Variants in DRICH1 observed in about 807,000 individuals in gnomAD.
DRICH1 encodes aspartate rich 1, also known as aspartate-rich protein 1.
DRICH1 carries 38 observed loss-of-function variants against 39.5 expected under a neutral mutation model. That is an observed-to-expected ratio of 0.96 (90% confidence interval 0.74 to 1.26). The LOEUF (loss-of-function observed/expected upper bound fraction) is 1.26, where lower values mean the gene tolerates loss of function less well. Ranked by LOEUF, DRICH1 falls within the 50% of genes most tolerant of loss-of-function variation. The pLI, the probability that DRICH1 is intolerant of heterozygous loss-of-function variation, is 0.00. For synonymous variants in DRICH1, 84 were observed against 99.5 expected (o/e 0.84, Z 0.93); for missense variants, 279 against 270.4 (o/e 1.03, Z -0.22).
At chr22:23,624,033 A>G (rs1037899571) in intron 3 of DRICH1, 1 of 985,228 alleles carries the variant, frequency 1.0e-6, no homozygotes, top group African/African-American at 1.7e-5. Context: ...TTTCCAAGAC[A>G]CTGGACCTTT....
At chr22:23,613,216 A>G in intron 11 of DRICH1, 73 bp downstream of exon 11, 1 of 1,139,482 alleles carries the variant, frequency 8.8e-7, no homozygotes, top group Non-Finnish European at 1.3e-6. Flanking sequence ...CCCTCCTCAC[A>G]AGCAACAGGG....
chr22:23,603,907 CA>C (rs1308662043), downstream of DRICH1, among the ~76,000 whole-genome samples: 4 of 152,172 alleles, frequency 2.6e-5, no homozygotes, highest in Non-Finnish European at 5.9e-5. Flanking sequence ...GGACACTTTG[CA>C]GACCACCACT....
At chr22:23,598,487 G>A in the DRICH1 span, among the ~76,000 whole-genome samples, 1 of 152,322 alleles carries the variant, frequency 6.6e-6, no homozygotes, top group East Asian at 1.9e-4. Flanking sequence ...AACTGCCCGA[G>A]GTCAAGGGCT....
the DRICH1 span, among the ~76,000 whole-genome samples, chr22:23,585,079 TTC>T: frequency 4.9e-4 from 75 of 152,314 alleles, no homozygotes; most frequent in African/African-American, 1.7e-3. Context: ...GCAGTTTCTT[TTC>T]TCTCTTTCTT....
the DRICH1 span, chr22:23,583,148 T>C: frequency 0.41 from 63,069 of 152,078 alleles, 14,496 homozygotes; most frequent in African/African-American, 0.61. Context: ...TGCGTAGATA[T>C]GCTCTGGATA....
At chr22:23,595,169 T>A in the DRICH1 span, among the ~76,000 whole-genome samples, 21,792 of 138,394 alleles carry the variant, frequency 0.16, 1,501 homozygotes, top group African/African-American at 0.23. Flanking sequence ...GACCTCCTCC[T>A]ATGAGTAGAT....
At chr22:23,609,203 T>C (rs540512073) in intron 11 of DRICH1, among the ~76,000 whole-genome samples, 21 of 152,272 alleles carry the variant, frequency 1.4e-4, no homozygotes, top group African/African-American at 4.8e-4. Context: ...GCCCACACTA[T>C]GGAGGGAGGC....
intron 1 of DRICH1, among the ~76,000 whole-genome samples, chr22:23,629,164 G>A (rs1443231709): frequency 2.0e-5 from 3 of 151,878 alleles, no homozygotes; most frequent in Admixed American, 6.6e-5. Context: ...TCAACCTCCC[G>A]AGTAGCTGGG....
intron 5 of DRICH1, 52 bp from the exon 6 acceptor site, chr22:23,619,445 C>T (rs763235556): frequency 1.3e-6 from 1 of 775,088 alleles, no homozygotes; most frequent in Non-Finnish European, 2.4e-6. Context: ...CTCTATGTGC[C>T]TCAAATAACC....
chr22:23,586,698 C>T, the DRICH1 span, among the ~76,000 whole-genome samples: 355 of 152,234 alleles, frequency 2.3e-3, 2 homozygotes, highest in Non-Finnish European at 3.5e-3. Flanking sequence ...CACATACCAC[C>T]ATGCCCGGCT....
intron 6 of DRICH1, among the ~76,000 whole-genome samples, chr22:23,618,764 G>T (rs947523140): frequency 1.3e-5 from 2 of 152,090 alleles, no homozygotes; most frequent in Non-Finnish European, 2.9e-5. Flanking sequence ...CAATAGAAAT[G>T]AACAAATTCA....
intron 11 of DRICH1, among the ~76,000 whole-genome samples, chr22:23,612,955 G>A (rs1056305246): frequency 6.6e-6 from 1 of 152,154 alleles, no homozygotes; most frequent in African/African-American, 2.4e-5. Context: ...CATCACAGAT[G>A]ACACCCAGTG....
the DRICH1 span, among the ~76,000 whole-genome samples, chr22:23,582,565 T>TTATTATTATTATTA: frequency 1.4e-5 from 2 of 146,608 alleles, no homozygotes; most frequent in African/African-American, 5.0e-5. Context: ...CTTATTATTA[T>TTATTATTATTATTA]TATTATTATT....
At chr22:23,592,010 C>T in the DRICH1 span, among the ~76,000 whole-genome samples, 1 of 152,218 alleles carries the variant, frequency 6.6e-6, no homozygotes, top group African/African-American at 2.4e-5. Context: ...CCCAAACCTC[C>T]AGCCCAGGCT....
chr22:23,585,433 G>A, the DRICH1 span, among the ~76,000 whole-genome samples: 4 of 152,166 alleles, frequency 2.6e-5, no homozygotes, highest in Admixed American at 1.3e-4. Flanking sequence ...CACCATGCCC[G>A]CCTAGCAGCG....
chr22:23,591,392 A>G, the DRICH1 span, among the ~76,000 whole-genome samples: 3 of 152,122 alleles, frequency 2.0e-5, no homozygotes, highest in Admixed American at 1.3e-4. Flanking sequence ...TTCTTGCTGG[A>G]TGGGTCAGGT....
At chr22:23,617,714 C>T in intron 6 of DRICH1, 57 bp from the exon 7 acceptor site, 1 of 1,544,108 alleles carries the variant, frequency 6.5e-7, no homozygotes, top group East Asian at 2.2e-5. Flanking sequence ...GTGAGTCACT[C>T]AGGGAGCTTT....
At chr22:23,594,386 C>T in the DRICH1 span, among the ~76,000 whole-genome samples, 16,627 of 152,140 alleles carry the variant, frequency 0.11, 1,030 homozygotes, top group East Asian at 0.29. Context: ...CTGGTCAACA[C>T]GGCAAAACCC....
chr22:23,599,120 G>A, the DRICH1 span, among the ~76,000 whole-genome samples: 3 of 152,198 alleles, frequency 2.0e-5, no homozygotes, highest in Admixed American at 2.0e-4. Flanking sequence ...CCACTCAATA[G>A]CGTCTCAACA....
Sources: allele counts gnomAD v4.1 joint callset (sites outside exome capture counted in the v4.1 genomes callset), GRCh38; gene constraint gnomAD v4.1.1; transcripts MANE v1.5; gene names NCBI Gene and HGNC (gene_info 2026-07-23, HGNC 2026-07-21).